The following ERC2 variants were observed in gnomAD, a reference collection of about 807,000 sequenced individuals.
The protein encoded by ERC2 is ELKS/RAB6-interacting/CAST family member 2.
ERC2 carries 42 observed loss-of-function variants against 114.8 expected under a neutral mutation model. The ratio of observed to expected loss-of-function variants is 0.37; its 90% CI spans 0.29 to 0.47. The LOEUF (loss-of-function observed/expected upper bound fraction) is 0.47. ERC2 is among the 20% of genes least tolerant of loss of function. The pLI, the probability that ERC2 is intolerant of heterozygous loss-of-function variation, is 0.99. For synonymous variants in ERC2, 454 were observed against 425.5 expected (o/e 1.07, Z -0.82); for missense variants, 939 against 1,150.7 (o/e 0.82, Z 2.66).
chr3:56,140,682 G>A (rs575844746), intron 5 of ERC2, among the ~76,000 whole-genome samples: 2 of 152,228 alleles, frequency 1.3e-5, no homozygotes, highest in South Asian at 2.1e-4. Context: ...ATTCTCAAGT[G>A]TCTATCTAAG....
intron 14 of ERC2, among the ~76,000 whole-genome samples, chr3:55,825,783 AACT>A (rs1444857605): frequency 1.3e-5 from 2 of 152,142 alleles, no homozygotes; most frequent in African/African-American, 4.8e-5. Context: ...AAAACTGAAA[AACT>A]ACTATATTTG....
In ERC2 at chr3:55,759,462, TAAAAAAAAAAAAAAAAAAA is replaced by T. The variant is rs540204065; in HGVS notation, c.2565-24563_2565-24545del. 8.8e-3 allele frequency among the ~76,000 whole-genome samples: 316 copies of T among 36,078 alleles called. 3 individuals carry two copies. The highest frequency in any genetic ancestry group is 0.013 in the Non-Finnish European group (265 of 20,594). 23.7% of individuals were successfully genotyped at this position (36,078 alleles called of 152,430 possible). A position where few individuals can be genotyped will look rare whatever the true frequency, so the allele number is the denominator to read the frequency against. ...CTGGGACGTTTTAAGTCTCTTTCATTAAAAAAAAAAAAAAAAAAAAAAAAAAAAAAAAAAAAGGTTAAGG... is the reference window on the plus strand; with the variant it reads ...CTGGGACGTTTTAAGTCTCTTTCATTAAAAAAAAAAAAAAAAAGGTTAAGG... On this transcript the variant is annotated intron_variant, in intron 14 of 17. Transcript: ENST00000288221.
intron 1 of ERC2, among the ~76,000 whole-genome samples, chr3:56,458,623 C>A (rs1343421258): frequency 6.6e-6 from 1 of 152,264 alleles, no homozygotes; most frequent in East Asian, 1.9e-4. Flanking sequence ...CAAACAGGAC[C>A]TATTTTCAAC....
At chr3:55,966,872 C>T (rs986759904) in intron 12 of ERC2, among the ~76,000 whole-genome samples, 1 of 152,174 alleles carries the variant, frequency 6.6e-6, no homozygotes, top group Non-Finnish European at 1.5e-5. Context: ...CCACAGAAAA[C>T]TCAGTAAATA....
intron 4 of ERC2, among the ~76,000 whole-genome samples, chr3:56,171,788 AC>A (rs368337744): frequency 6.6e-6 from 1 of 151,448 alleles, no homozygotes; most frequent in African/African-American, 2.4e-5. Flanking sequence ...GAAACTACCC[AC>A]CACATTAGAA....
chr3:55,670,306 G>A (rs2061507896), intron 17 of ERC2, among the ~76,000 whole-genome samples: 1 of 152,192 alleles, frequency 6.6e-6, no homozygotes, highest in Admixed American at 6.5e-5. Flanking sequence ...AGGAAGAGGT[G>A]GTGAAATAAG....
At chr3:56,314,898 C>T (rs1296360749) in intron 2 of ERC2, among the ~76,000 whole-genome samples, 1 of 152,204 alleles carries the variant, frequency 6.6e-6, no homozygotes, top group East Asian at 1.9e-4. Flanking sequence ...TGCTCTTTCC[C>T]TTCTAGCTCC....
At chr3:56,381,831 G>A (rs971359201) in intron 2 of ERC2, among the ~76,000 whole-genome samples, 2 of 152,038 alleles carry the variant, frequency 1.3e-5, no homozygotes, top group African/African-American at 4.8e-5. Flanking sequence ...TCTCCCTATA[G>A]CTCTGTATAT....
intron 17 of ERC2, among the ~76,000 whole-genome samples, chr3:55,627,704 A>G (rs902959654): frequency 6.6e-6 from 1 of 152,156 alleles, no homozygotes; most frequent in African/African-American, 2.4e-5. Context: ...TTCTTGATAG[A>G]GACATCACAA....
chr3:56,105,127 C>A (rs374833417), intron 6 of ERC2, among the ~76,000 whole-genome samples: 6 of 151,790 alleles, frequency 4.0e-5, no homozygotes, highest in African/African-American at 1.4e-4. Flanking sequence ...AGATGCCAGG[C>A]ATGTTGGAGC....
intron 11 of ERC2, among the ~76,000 whole-genome samples, chr3:55,987,515 G>A (rs1326112211): frequency 6.6e-6 from 1 of 152,192 alleles, no homozygotes; most frequent in African/African-American, 2.4e-5. Context: ...ATTAACAAAT[G>A]TAAGTGAAAA....
intron 7 of ERC2, among the ~76,000 whole-genome samples, chr3:56,024,818 A>G (rs1473580128): frequency 2.0e-5 from 3 of 152,210 alleles, no homozygotes; most frequent in Non-Finnish European, 2.9e-5. Context: ...AAGTTCCTAC[A>G]GGCTGACAAG....
At chr3:55,526,285 G>T (rs2053313735) in intron 17 of ERC2, among the ~76,000 whole-genome samples, 1 of 152,180 alleles carries the variant, frequency 6.6e-6, no homozygotes, top group Admixed American at 6.5e-5. Flanking sequence ...AATTTCTGTT[G>T]TTTTAAGCCA....
Position 56,297,668 on chromosome 3 carries a change from T to C in ERC2, c.658-1233A>G, listed in dbSNP as rs559219567. Among the ~76,000 whole-genome samples the C allele has an allele frequency of 2.6e-5, 4 of 152,326 alleles. No homozygotes were observed. In the South Asian group the frequency reaches 8.3e-4, roughly 32 times the overall value. On this transcript the variant is annotated intron_variant, in intron 2 of 17. Transcript: ENST00000288221. ...TGTTCATTCGCCAAACACATGATCC[T>C]GCTTGTGGAATGAACACAGTGCTAA...
chr3:55,785,291 C>T (rs1033457095), intron 14 of ERC2, among the ~76,000 whole-genome samples: 1 of 152,176 alleles, frequency 6.6e-6, no homozygotes. Context: ...GACAAATTAA[C>T]CAGCACCATC....
intron 3 of ERC2, among the ~76,000 whole-genome samples, chr3:56,221,760 A>C (rs1390933132): frequency 6.6e-6 from 1 of 152,038 alleles, no homozygotes; most frequent in Non-Finnish European, 1.5e-5. Flanking sequence ...AAAAATTTGC[A>C]GAGTGTGGTA....
intron 17 of ERC2, among the ~76,000 whole-genome samples, chr3:55,644,678 G>A (rs1460183820): frequency 6.6e-6 from 1 of 151,770 alleles, no homozygotes. Context: ...TCTATATGAT[G>A]AATAAATAAT....
chr3:55,866,786 A>C (rs1313058388), intron 14 of ERC2, among the ~76,000 whole-genome samples: 3 of 152,064 alleles, frequency 2.0e-5, no homozygotes, highest in Non-Finnish European at 4.4e-5. Flanking sequence ...TATTTTAGAG[A>C]GAGATTTAGC....
intron 17 of ERC2, among the ~76,000 whole-genome samples, chr3:55,562,259 T>G (rs2056075907): frequency 6.6e-6 from 1 of 152,076 alleles, no homozygotes; most frequent in South Asian, 2.1e-4. Context: ...TTCAAGCGAT[T>G]CTCTTGCCTC....
Sources: gnomAD v4.1 joint callset for allele counts (sites outside exome capture counted in the v4.1 genomes callset) on GRCh38, gnomAD v4.1.1 for gene constraint, MANE v1.5 for transcripts, NCBI Gene and HGNC (gene_info 2026-07-23, HGNC 2026-07-21) for gene names.